Variants in PDK1 observed in about 807,000 individuals in gnomAD.
PDK1 encodes pyruvate dehydrogenase kinase 1.
A neutral mutation model predicts 54.2 loss-of-function variants in PDK1; 39 were observed. The ratio of observed to expected loss-of-function variants is 0.72; its 90% CI spans 0.56 to 0.94. The LOEUF (loss-of-function observed/expected upper bound fraction) is 0.94. Among genes scored for constraint, PDK1 ranks in the 40% least tolerant of loss-of-function variants. The pLI, the probability that PDK1 is intolerant of heterozygous loss-of-function variation, is 0.00. For missense variants in PDK1, 552 were observed against 566.0 expected, an observed-to-expected ratio of 0.98 and a Z score of 0.25; for synonymous variants, 221 against 207.1, an observed-to-expected ratio of 1.07 and a Z score of -0.58.
chr2:172,663,939 C>T, the PDK1 span, among the ~76,000 whole-genome samples: 2 of 149,742 alleles, frequency 1.3e-5, no homozygotes, highest in African/African-American at 2.5e-5. Context: ...TAGCTGGGAC[C>T]ACACACAGGG....
chr2:172,627,980 C>G, the PDK1 span, among the ~76,000 whole-genome samples: 2 of 152,170 alleles, frequency 1.3e-5, no homozygotes, highest in African/African-American at 2.4e-5. Flanking sequence ...TGAGCTGGAC[C>G]TAACATTCTT....
rs1691233467 is a variant in PDK1, at chr2:172,604,828, T to A, written c.*8859T>A. The A allele has an allele frequency of 1.3e-5, 2 of 152,250 alleles. No individual in the cohort carries two copies. Among genetic ancestry groups the A allele is most frequent in the African/African-American group, 4.8e-5 (2 of 41,464 alleles). 9.4% of individuals were successfully genotyped at this position (152,250 alleles called of 1,614,324 possible). On this transcript the variant is annotated 3_prime_UTR_variant, in exon 11 of 11. Transcript: ENST00000282077. ...CACAATATGATGTGGCCAGACTACT[T>A]TTCTAGTTTCGAGATTATTTTGGAG...
chr2:172,624,988 CAA>C, the PDK1 span, among the ~76,000 whole-genome samples: 1 of 138,580 alleles, frequency 7.2e-6, no homozygotes, highest in Non-Finnish European at 1.6e-5. Flanking sequence ...AACTCCATCT[CAA>C]AAAAAAAAAA....
chr2:172,607,827 T>C lies in PDK1; in HGVS notation c.*11858T>C, dbSNP rs1281769193. The C allele has an allele frequency of 1.3e-5, 2 of 152,252 alleles. No individual in the cohort carries two copies. Among genetic ancestry groups the C allele is most frequent in the Non-Finnish European group, 2.9e-5 (2 of 68,108 alleles). 9.4% of individuals were successfully genotyped at this position (152,252 alleles called of 1,614,324 possible). Reference sequence around the variant, plus strand: ...AGCAGAGTAGTGTTGATAACTGGCATCTGGAACCTACAGTTTCCAGTTCAG... The same window carrying C: ...AGCAGAGTAGTGTTGATAACTGGCACCTGGAACCTACAGTTTCCAGTTCAG... On this transcript the variant is annotated 3_prime_UTR_variant, in exon 11 of 11. Transcript: ENST00000282077.
intron 2 of PDK1, among the ~76,000 whole-genome samples, chr2:172,559,737 A>C (rs1688555484): frequency 6.6e-6 from 1 of 152,042 alleles, no homozygotes; most frequent in African/African-American, 2.4e-5. Context: ...TAGTAGAAAT[A>C]GAGGTTTCAC....
chr2:172,566,513 C>T (rs941283693), intron 5 of PDK1, among the ~76,000 whole-genome samples: 2 of 151,662 alleles, frequency 1.3e-5, no homozygotes, highest in Non-Finnish European at 2.9e-5. Context: ...GCCGAGATAG[C>T]GCCACTGCAC....
At chr2:172,631,130 C>G in the PDK1 span, among the ~76,000 whole-genome samples, 1 of 152,232 alleles carries the variant, frequency 6.6e-6, no homozygotes, top group Non-Finnish European at 1.5e-5. Context: ...CAAATGCCAT[C>G]TGTTAAACAA....
the PDK1 span, among the ~76,000 whole-genome samples, chr2:172,622,614 G>C: frequency 1.4e-5 from 2 of 142,754 alleles, no homozygotes; most frequent in South Asian, 4.6e-4. Flanking sequence ...TATTATGTGA[G>C]ATATGTTTAT....
At chr2:172,657,309 A>G in the PDK1 span, among the ~76,000 whole-genome samples, 3 of 151,400 alleles carry the variant, frequency 2.0e-5, no homozygotes, top group Non-Finnish European at 4.4e-5. Context: ...TACAGGCATG[A>G]GCCACCGTGC....
chr2:172,649,341 CA>C, the PDK1 span, among the ~76,000 whole-genome samples: 1 of 152,180 alleles, frequency 6.6e-6, no homozygotes, highest in Non-Finnish European at 1.5e-5. Context: ...TCACCATCAT[CA>C]AAGACCAAAG....
At chr2:172,705,084 G>A in the PDK1 span, among the ~76,000 whole-genome samples, 2 of 152,330 alleles carry the variant, frequency 1.3e-5, no homozygotes, top group East Asian at 3.9e-4. Context: ...TGAGGAAACT[G>A]ACCATCTCAT....
chr2:172,720,432 G>C, the PDK1 span, among the ~76,000 whole-genome samples: 1 of 152,056 alleles, frequency 6.6e-6, no homozygotes, highest in Admixed American at 6.6e-5. Flanking sequence ...TCTCAATGTT[G>C]CTGCTCTACC....
At chr2:172,572,887 C>T (rs13401980) in intron 8 of PDK1, among the ~76,000 whole-genome samples, 3 of 152,014 alleles carry the variant, frequency 2.0e-5, no homozygotes, top group Non-Finnish European at 2.9e-5. Flanking sequence ...TTGTTACTGA[C>T]TTCTTTCACT....
the PDK1 span, among the ~76,000 whole-genome samples, chr2:172,640,532 C>T: frequency 2.0e-5 from 3 of 152,176 alleles, no homozygotes; most frequent in Admixed American, 6.5e-5. Flanking sequence ...AGCATGTTTA[C>T]AGACCCAAAC....
chr2:172,641,699 C>CTTCTA, the PDK1 span, among the ~76,000 whole-genome samples: 1 of 152,160 alleles, frequency 6.6e-6, no homozygotes, highest in African/African-American at 2.4e-5. Flanking sequence ...CTGCCTCGGC[C>CTTCTA]TTCTAAAGTG....
the PDK1 span, among the ~76,000 whole-genome samples, chr2:172,704,243 G>A: frequency 6.6e-6 from 1 of 152,116 alleles, no homozygotes; most frequent in Non-Finnish European, 1.5e-5. Flanking sequence ...CAGCGATGGT[G>A]AGACTTCCCA....
intron 8 of PDK1, among the ~76,000 whole-genome samples, chr2:172,585,132 G>T (rs1558949129): frequency 7.9e-5 from 12 of 151,904 alleles, no homozygotes; most frequent in Admixed American, 6.6e-5. Flanking sequence ...AAGTAGCTGG[G>T]ATCACAGTTG....
chr2:172,564,722 AATGAGAT>A, intron 4 of PDK1, 35 bp downstream of exon 4: 1 of 1,527,038 alleles, frequency 6.5e-7, no homozygotes, highest in Non-Finnish European at 9.0e-7. Context: ...GAAGAAGCTA[AATGAGAT>A]GTGTTGGCAT....
chr2:172,625,712 G>A, the PDK1 span, among the ~76,000 whole-genome samples: 4 of 152,030 alleles, frequency 2.6e-5, no homozygotes, highest in Admixed American at 6.6e-5. Flanking sequence ...GAGCACTTAT[G>A]ACACCTTATT....
Sources: gnomAD v4.1 joint callset for allele counts (sites outside exome capture counted in the v4.1 genomes callset) on GRCh38, gnomAD v4.1.1 for gene constraint, MANE v1.5 for transcripts, NCBI Gene and HGNC (gene_info 2026-07-23, HGNC 2026-07-21) for gene names.